Variants in KCTD13 observed in about 807,000 individuals in gnomAD.
The protein encoded by KCTD13 is BTB/POZ domain-containing adapter for CUL3-mediated RhoA degradation protein 1.
Under a neutral mutation model 32.3 loss-of-function variants are expected in KCTD13, and 15 were observed. The ratio of observed to expected loss-of-function variants is 0.46; its 90% CI spans 0.31 to 0.71. The LOEUF is 0.71. Among genes scored for constraint, KCTD13 ranks in the 30% least tolerant of loss-of-function variants. KCTD13 has a pLI of 0.05. For missense variants in KCTD13, 337 were observed against 452.6 expected, an observed-to-expected ratio of 0.74 and a Z score of 2.32; for synonymous variants, 189 against 200.1, an observed-to-expected ratio of 0.94 and a Z score of 0.47.
intron 4 of KCTD13, 87 bp downstream of exon 4, chr16:29,911,728 C>T (rs576903580): frequency 1.1e-5 from 15 of 1,419,110 alleles, no homozygotes; most frequent in East Asian, 4.6e-5. Flanking sequence ...GTAGGCCCCC[C>T]GTGTGGCCGT....
At chr16:29,908,510 G>C (rs561032677) in intron 5 of KCTD13, among the ~76,000 whole-genome samples, 1 of 151,910 alleles carries the variant, frequency 6.6e-6, no homozygotes, top group Non-Finnish European at 1.5e-5. Context: ...TCAACCTCCC[G>C]GAGTAGCTGG....
intron 1 of KCTD13, 71 bp downstream of exon 1, chr16:29,925,719 G>A (rs1567450333): frequency 4.0e-6 from 6 of 1,506,878 alleles, no homozygotes; most frequent in Non-Finnish European, 5.4e-6. Flanking sequence ...GAGGAGCCCC[G>A]GTGGTGAGAG....
chr16:29,911,359 G>A (rs951075831), intron 4 of KCTD13, 186 bp from the exon 5 acceptor site: 4 of 605,376 alleles, frequency 6.6e-6, no homozygotes, highest in Non-Finnish European at 1.2e-5. Flanking sequence ...CATGCGCTGA[G>A]CAAATCCCAG....
At chr16:29,919,201 C>T (rs114038355) in intron 2 of KCTD13, among the ~76,000 whole-genome samples, 14 of 152,172 alleles carry the variant, frequency 9.2e-5, no homozygotes, top group Admixed American at 2.6e-4. Context: ...AGTTGGAAAG[C>T]GGGTCATTGT....
chr16:29,923,066 TG>T, intron 2 of KCTD13, 123 bp downstream of exon 2: 1 of 1,080,734 alleles, frequency 9.3e-7, no homozygotes, highest in African/African-American at 1.6e-5. Flanking sequence ...TCAAATTCTC[TG>T]GGGTTATGGC....
At chr16:29,917,684 C>A (rs956075742) in intron 2 of KCTD13, among the ~76,000 whole-genome samples, 1 of 152,114 alleles carries the variant, frequency 6.6e-6, no homozygotes, top group African/African-American at 2.4e-5. Context: ...GAGGTTAGGG[C>A]AGGAGAATCG....
chr16:29,926,124 G>A lies in KCTD13; in HGVS notation c.-91C>T. On this transcript the variant is annotated 5_prime_UTR_variant, in exon 1 of 6. Coordinates refer to ENST00000568000, the MANE Select transcript of KCTD13 (RefSeq NM_178863.5). ...CCCTCGGCCGGCCCCCAGCCCTTGG[G>A]CCAGACCGCTCGGCGCACACGCCCA... 7.4e-7 allele frequency: 1 copy of A among 1,360,356 alleles called. No individual in the cohort carries two copies. Among genetic ancestry groups the A allele is most frequent in the Non-Finnish European group, 9.5e-7 (1 of 1,047,876 alleles). The allele number at this position is 1,360,356 out of a possible 1,614,324, so 84.3% of individuals were successfully genotyped here. A position where few individuals can be genotyped will look rare whatever the true frequency, so the allele number is the denominator to read the frequency against.
intron 5 of KCTD13, among the ~76,000 whole-genome samples, chr16:29,907,589 C>T (rs1285348363): frequency 1.3e-5 from 2 of 151,630 alleles, no homozygotes; most frequent in African/African-American, 4.8e-5. Context: ...GAGTTTGAGT[C>T]TAGTCTGGGC....
Position 29,923,749 on chromosome 16 carries a change from G to C in KCTD13, c.245-390C>G, listed in dbSNP as rs1001495163. Among the ~76,000 whole-genome samples the C allele has an allele frequency of 5.9e-5, 9 of 151,978 alleles. No individual in the cohort carries two copies. The East Asian group carries it at 7.7e-4, about 13-fold the overall frequency. ...GGTGGCTGGTGCCAGCTACTCGGGGGGGGGCGAGGCAGGAGAATCGCTTGA... is the reference window on the plus strand; with the variant it reads ...GGTGGCTGGTGCCAGCTACTCGGGGCGGGGCGAGGCAGGAGAATCGCTTGA... On this transcript the variant is annotated intron_variant, in intron 1 of 5. Transcript: ENST00000568000.
At chr16:29,919,427 A>G (rs2068868698) in intron 2 of KCTD13, 1 of 152,238 alleles carries the variant, frequency 6.6e-6, no homozygotes, top group South Asian at 2.1e-4. Flanking sequence ...TACCTGAACC[A>G]GTAATTACAT....
At chr16:29,918,720 G>A (rs748750437) in intron 2 of KCTD13, among the ~76,000 whole-genome samples, 7 of 151,818 alleles carry the variant, frequency 4.6e-5, no homozygotes, top group Admixed American at 2.0e-4. Flanking sequence ...GCAGTGGCAC[G>A]ATCTCGGCTC....
rs2068621000 is a variant in KCTD13, at chr16:29,906,820, G to C, written c.*52C>G. The C allele has an allele frequency of 1.3e-6, 2 of 1,517,730 alleles. No homozygotes were observed. The highest frequency in any genetic ancestry group is 9.1e-7 in the Non-Finnish European group (1 of 1,098,348). The allele number at this position is 1,517,730 out of a possible 1,614,324, so 94.0% of individuals were successfully genotyped here. Reference sequence around the variant, plus strand: ...CAAAAGTCTGGGAAGGGGAGGGAAAGAGAGAGGGACTGGGTCCCAAGGCAA... The same window carrying C: ...CAAAAGTCTGGGAAGGGGAGGGAAACAGAGAGGGACTGGGTCCCAAGGCAA... On this transcript the variant is annotated 3_prime_UTR_variant, in exon 6 of 6. Transcript: ENST00000568000.
chr16:29,910,690 C>T (rs12933766), intron 5 of KCTD13, among the ~76,000 whole-genome samples: 78,923 of 151,942 alleles, frequency 0.52, 20,827 homozygotes, highest in Non-Finnish European at 0.56. Context: ...ACTATGGACC[C>T]CCTATACAGA....
chr16:29,925,155 C>T (rs1226329307), intron 1 of KCTD13, among the ~76,000 whole-genome samples: 2 of 152,184 alleles, frequency 1.3e-5, no homozygotes, highest in African/African-American at 2.4e-5. Context: ...CACTTGGGCA[C>T]GAAGGGTCCA....
chr16:29,925,600 G>C, intron 1 of KCTD13, 190 bp downstream of exon 1: 1 of 626,184 alleles, frequency 1.6e-6, no homozygotes. Context: ...AAAGGATTGG[G>C]GGAGGAGAAG....
At chr16:29,912,243 C>T in intron 2 of KCTD13, 194 bp from the exon 3 acceptor site, 1 of 612,690 alleles carries the variant, frequency 1.6e-6, no homozygotes. Context: ...GGACACCTTG[C>T]TGCTTCACAC....
chr16:29,915,242 T>C (rs990429062), intron 2 of KCTD13: 1 of 152,266 alleles, frequency 6.6e-6, no homozygotes, highest in Admixed American at 6.5e-5. Flanking sequence ...TTGCACTGGC[T>C]CTGTCCCTTT....
intron 2 of KCTD13, among the ~76,000 whole-genome samples, chr16:29,918,506 T>C (rs2150841838): frequency 6.6e-6 from 1 of 152,338 alleles, no homozygotes; most frequent in Admixed American, 6.5e-5. Context: ...AGTCTTGCTC[T>C]GTTGACCAGG....
Position 29,926,107 on chromosome 16 carries a change from C to A in KCTD13, c.-74G>T. 7.0e-7 allele frequency: 1 copy of A among 1,421,704 alleles called. No homozygotes were observed. The highest frequency in any genetic ancestry group is 1.5e-5 in the South Asian group (1 of 66,480). The allele number at this position is 1,421,704 out of a possible 1,614,324, so 88.1% of individuals were successfully genotyped here. On this transcript the variant is annotated 5_prime_UTR_variant, in exon 1 of 6. Transcript: ENST00000568000. ...CGGCCTGCTCCCGAAGACCCTCGGC[C>A]GGCCCCCAGCCCTTGGGCCAGACCG...
Sources: gnomAD v4.1 joint callset for allele counts (sites outside exome capture counted in the v4.1 genomes callset) on GRCh38, gnomAD v4.1.1 for gene constraint, MANE v1.5 for transcripts, NCBI Gene and HGNC (gene_info 2026-07-23, HGNC 2026-07-21) for gene names.